Variants in XYLT1 observed in about 807,000 individuals in gnomAD.
XYLT1 encodes xylosyltransferase 1.
A neutral mutation model predicts 91.3 loss-of-function variants in XYLT1; 36 were observed. The observed-to-expected ratio is 0.39, with a 90% CI of 0.30 to 0.52. The LOEUF is 0.52. XYLT1 is among the 20% of genes least tolerant of loss of function. The pLI, the probability that XYLT1 is intolerant of heterozygous loss-of-function variation, is 0.68. For synonymous variants in XYLT1, 588 were observed against 532.0 expected (o/e 1.11, Z -1.45); for missense variants, 1,242 against 1,284.5 (o/e 0.97, Z 0.51).
At chr16:17,377,401 T>A (rs2035617079) in intron 1 of XYLT1, among the ~76,000 whole-genome samples, 1 of 152,118 alleles carries the variant, frequency 6.6e-6, no homozygotes, top group Non-Finnish European at 1.5e-5. Context: ...GAGTTCCCAT[T>A]GTCTGGATGG....
chr16:17,180,582 T>C (rs1021380928), intron 5 of XYLT1, among the ~76,000 whole-genome samples: 1 of 152,164 alleles, frequency 6.6e-6, no homozygotes, highest in African/African-American at 2.4e-5. Context: ...TGATGGCTTT[T>C]AGGGGCACAG....
chr16:17,467,467 G>C (rs1596562697), intron 1 of XYLT1, among the ~76,000 whole-genome samples: 1 of 152,178 alleles, frequency 6.6e-6, no homozygotes, highest in Non-Finnish European at 1.5e-5. Context: ...GAGACCCAGT[G>C]AAGGAATCAG....
At chr16:17,310,925 GTC>G (rs2034537611) in intron 2 of XYLT1, among the ~76,000 whole-genome samples, 1 of 152,100 alleles carries the variant, frequency 6.6e-6, no homozygotes, top group Admixed American at 6.6e-5. Context: ...TCTTTCAGGG[GTC>G]ATGTCCCACA....
intron 1 of XYLT1, among the ~76,000 whole-genome samples, chr16:17,423,614 T>C (rs1220402279): frequency 6.6e-6 from 1 of 152,174 alleles, no homozygotes; most frequent in East Asian, 1.9e-4. Context: ...TCTTTCTTTT[T>C]TCTCTTTTTT....
At chr16:17,419,768 C>T (rs1429063299) in intron 1 of XYLT1, among the ~76,000 whole-genome samples, 1 of 152,110 alleles carries the variant, frequency 6.6e-6, no homozygotes, top group Non-Finnish European at 1.5e-5. Flanking sequence ...AAAGCTAATC[C>T]ATGGACCTCT....
intron 5 of XYLT1, among the ~76,000 whole-genome samples, chr16:17,197,014 A>ATATATATATAT (rs1597184723): frequency 4.3e-4 from 48 of 110,496 alleles, no homozygotes; most frequent in African/African-American, 2.1e-3. Flanking sequence ...CTGTCTCCAA[A>ATATATATATAT]ATATATATAT....
At chr16:17,123,741 TTGA>T (rs2030157481) in intron 10 of XYLT1, among the ~76,000 whole-genome samples, 3 of 152,178 alleles carry the variant, frequency 2.0e-5, no homozygotes, top group South Asian at 2.1e-4. Context: ...ACTTTCTGTC[TTGA>T]TGAACTGTGC....
At chr16:17,223,999 G>A (rs1258017864) in intron 3 of XYLT1, among the ~76,000 whole-genome samples, 1 of 152,196 alleles carries the variant, frequency 6.6e-6, no homozygotes. Flanking sequence ...TCTATACCTG[G>A]TTACTGAAGG....
At chr16:17,435,334 GC>G (rs1348086067) in intron 1 of XYLT1, among the ~76,000 whole-genome samples, 5 of 152,126 alleles carry the variant, frequency 3.3e-5, no homozygotes, top group African/African-American at 1.2e-4. Flanking sequence ...CCCACATAAA[GC>G]TAAAGGAAAG....
intron 3 of XYLT1, among the ~76,000 whole-genome samples, chr16:17,255,987 G>T (rs948275917): frequency 6.6e-6 from 1 of 152,044 alleles, no homozygotes; most frequent in Non-Finnish European, 1.5e-5. Flanking sequence ...CAGCCTGGGC[G>T]ACAGAGCGAG....
chr16:17,445,204 A>C (rs2036577225), intron 1 of XYLT1, among the ~76,000 whole-genome samples: 1 of 152,190 alleles, frequency 6.6e-6, no homozygotes, highest in Non-Finnish European at 1.5e-5. Context: ...TATGTTACCC[A>C]GGCTGGTCTC....
At chr16:17,233,885 T>A (rs1196005305) in intron 3 of XYLT1, among the ~76,000 whole-genome samples, 4 of 152,128 alleles carry the variant, frequency 2.6e-5, no homozygotes, top group African/African-American at 9.7e-5. Context: ...GCCAACTTCA[T>A]CCTGGTTAAG....
intron 1 of XYLT1, among the ~76,000 whole-genome samples, chr16:17,468,048 A>G (rs1450298722): frequency 6.6e-6 from 1 of 152,162 alleles, no homozygotes; most frequent in African/African-American, 2.4e-5. Context: ...AACGGCCTCT[A>G]TTGCTTGCGA....
rs60593780 is a variant in XYLT1, at chr16:17,298,019, C to CAAAA, written c.403-38525_403-38522dup. The stretch of plus-strand genomic sequence containing the variant: ...CTGGGCGACGAGCGAGACTCCGTCT[C>CAAAA]AAAAAAAAAAAAAAAATTATTCCTG... On this transcript the variant is annotated intron_variant, in intron 2 of 11. Coordinates refer to ENST00000261381, the MANE Select transcript of XYLT1 (RefSeq NM_022166.4). Among the ~76,000 whole-genome samples, 346 of 105,650 alleles carry CAAAA rather than the reference C, an allele frequency of 3.3e-3. 1 individual carries two copies. The highest frequency in any genetic ancestry group is 0.011 in the African/African-American group (314 of 27,874). 69.3% of individuals were successfully genotyped at this position (105,650 alleles called of 152,430 possible).
chr16:17,129,767 T>A (rs1005940705), intron 9 of XYLT1, among the ~76,000 whole-genome samples: 1 of 152,190 alleles, frequency 6.6e-6, no homozygotes, highest in East Asian at 1.9e-4. Context: ...TAATTTACAC[T>A]GAAGTAGCCA....
chr16:17,330,104 T>TACACACACACACACACACACACACACAC (rs35148093), intron 2 of XYLT1, among the ~76,000 whole-genome samples: 1 of 144,584 alleles, frequency 6.9e-6, no homozygotes, highest in African/African-American at 2.6e-5. Flanking sequence ...TGGAGGTAGA[T>TACACACACACACACACACACACACACAC]ACACACACAC....
At chr16:17,386,110 T>TA (rs1313582460) in intron 1 of XYLT1, among the ~76,000 whole-genome samples, 4 of 152,044 alleles carry the variant, frequency 2.6e-5, no homozygotes, top group African/African-American at 7.2e-5. Context: ...ACATGACAAT[T>TA]AAAAAAATCA....
chr16:17,199,386 C>CTT (rs966261445), intron 4 of XYLT1, among the ~76,000 whole-genome samples: 5 of 152,198 alleles, frequency 3.3e-5, no homozygotes, highest in African/African-American at 1.2e-4. Flanking sequence ...TCCTTGGCTG[C>CTT]TTTAGCACAA....
intron 2 of XYLT1, among the ~76,000 whole-genome samples, chr16:17,309,782 A>C (rs1297815554): frequency 6.6e-6 from 1 of 152,224 alleles, no homozygotes; most frequent in Non-Finnish European, 1.5e-5. Flanking sequence ...CATTGCAGTC[A>C]AGAAGATTAA....
Sources: allele counts gnomAD v4.1 joint callset (sites outside exome capture counted in the v4.1 genomes callset), GRCh38; gene constraint gnomAD v4.1.1; transcripts MANE v1.5; gene names NCBI Gene and HGNC (gene_info 2026-07-23, HGNC 2026-07-21).